CELF1: variants seen among roughly 807,000 people sequenced by gnomAD.
CELF1 encodes CUGBP Elav-like family member 1, also known as 50 kDa nuclear polyadenylated RNA-binding protein.
Under a neutral mutation model 61.8 loss-of-function variants are expected in CELF1, and 10 were observed. That is an observed-to-expected ratio of 0.16 (90% CI 0.10 to 0.27). The LOEUF is 0.27. CELF1 is among the 10% of genes least tolerant of loss of function. CELF1 has a pLI of 1.00. For synonymous variants in CELF1, 236 were observed against 225.1 expected, an observed-to-expected ratio of 1.05 and a Z score of -0.43; for missense variants, 380 against 639.1, an observed-to-expected ratio of 0.59 and a Z score of 4.37.
At chr11:47,512,452 ATTTTTTT>A (rs35542082) in intron 1 of CELF1, among the ~76,000 whole-genome samples, 1 of 112,778 alleles carries the variant, frequency 8.9e-6, no homozygotes, top group South Asian at 3.1e-4. Context: ...CGTGCCCAGA[ATTTTTTT>A]TTTTTTTTTT....
At chr11:47,541,791 AAC>A (rs1172326467) in intron 1 of CELF1, among the ~76,000 whole-genome samples, 1 of 28,362 alleles carries the variant, frequency 3.5e-5, no homozygotes, top group Non-Finnish European at 1.0e-4. Context: ...CGAAAGAAAG[AAC>A]GAAAGAAAGA....
At chr11:47,522,149 G>T (rs552965369) in intron 1 of CELF1, among the ~76,000 whole-genome samples, 1 of 151,966 alleles carries the variant, frequency 6.6e-6, no homozygotes, top group Admixed American at 6.5e-5. Flanking sequence ...CCGACCTCAG[G>T]TGATCTGCCT....
At chr11:47,507,043 A>G (rs796719485) in intron 1 of CELF1, 1 of 152,224 alleles carries the variant, frequency 6.6e-6, no homozygotes, top group South Asian at 2.1e-4. Flanking sequence ...CGCCCTTTTT[A>G]CTCAATGCCT....
intron 13 of CELF1, among the ~76,000 whole-genome samples, chr11:47,473,907 TTTTC>T (rs773990653): frequency 3.5e-4 from 32 of 90,964 alleles, no homozygotes; most frequent in Non-Finnish European, 4.4e-4. Flanking sequence ...TTTTCTTTTT[TTTTC>T]TTTCTTTTTT....
intron 1 of CELF1, among the ~76,000 whole-genome samples, chr11:47,509,489 G>A (rs2153594321): frequency 6.6e-6 from 1 of 152,292 alleles, no homozygotes; most frequent in African/African-American, 2.4e-5. Flanking sequence ...GGAAGTTTGA[G>A]GCTGTAGTGA....
chr11:47,560,406 T>A (rs867548083), intron 2 of CELF1, among the ~76,000 whole-genome samples: 79 of 152,304 alleles, frequency 5.2e-4, no homozygotes, highest in African/African-American at 1.8e-3. Flanking sequence ...AGAGTGAGAC[T>A]GTCTCAAAAA....
In CELF1 at chr11:47,500,842, A is replaced by T. The variant is rs1327454012; in HGVS notation, c.-82+19T>A. The T allele has an allele frequency of 2.3e-5, 9 of 398,432 alleles. No individual in the cohort carries two copies. The East Asian group carries it at 3.2e-4, about 14-fold the overall frequency. 24.7% of individuals were successfully genotyped at this position (398,432 alleles called of 1,614,324 possible). A position where few individuals can be genotyped will look rare whatever the true frequency, so the allele number is the denominator to read the frequency against. ...TTTCACAGGCTTTCTTTCCATTTTT[A>T]TCATTAGAGTTGCCTTACCTCAAAG... On this transcript the variant is annotated intron_variant, in intron 2 of 14. Transcript: ENST00000687097.
chr11:47,559,313 C>T (rs1014924578), intron 2 of CELF1, among the ~76,000 whole-genome samples: 3 of 151,262 alleles, frequency 2.0e-5, no homozygotes, highest in African/African-American at 7.3e-5. Context: ...GATCTGCCCG[C>T]CTCAGGCTTC....
intron 4 of CELF1, 31 bp downstream of exon 4, chr11:47,488,806 A>T (rs1266276394): frequency 1.4e-6 from 2 of 1,405,956 alleles, no homozygotes; most frequent in African/African-American, 3.0e-5. Context: ...CAGTGGAAAA[A>T]ATAAGATAAA....
intron 3 of CELF1, among the ~76,000 whole-genome samples, chr11:47,497,543 G>T (rs910391490): frequency 1.3e-5 from 2 of 152,172 alleles, no homozygotes; most frequent in Admixed American, 1.3e-4. Context: ...GTTTAAAATC[G>T]GGGCAATGGC....
At chr11:47,482,019 A>G (rs768854681) in intron 9 of CELF1, among the ~76,000 whole-genome samples, 9 of 152,106 alleles carry the variant, frequency 5.9e-5, no homozygotes, top group Admixed American at 2.0e-4. Flanking sequence ...CCTGGCCAAC[A>G]CAGTGAAAGC....
intron 6 of CELF1, among the ~76,000 whole-genome samples, chr11:47,484,918 T>C (rs2085713473): frequency 6.6e-6 from 1 of 151,970 alleles, no homozygotes; most frequent in Non-Finnish European, 1.5e-5. Flanking sequence ...CCTCAGGTGA[T>C]CCACCCGCCT....
At chr11:47,482,552 G>T (rs1729138096) in intron 9 of CELF1, 143 bp downstream of exon 9, 1 of 684,534 alleles carries the variant, frequency 1.5e-6, no homozygotes, top group Non-Finnish European at 2.4e-6. Flanking sequence ...AGGACTAAAA[G>T]AAATAGTACT....
chr11:47,513,252 C>T (rs980548756), intron 1 of CELF1, among the ~76,000 whole-genome samples: 1 of 152,184 alleles, frequency 6.6e-6, no homozygotes, highest in Non-Finnish European at 1.5e-5. Flanking sequence ...TCAACTTTCT[C>T]ATTTATATTC....
rs950115399 is a variant in CELF1, at chr11:47,553,031, C to T, written c.-193G>A. On this transcript the variant is annotated 5_prime_UTR_variant, in exon 1 of 15. Transcript: ENST00000687097. ...GAGCCTGCCGCTGCCTCAGTTGCTGCCTGCGCCTCCGCAGCCGCCGCCGCC... is the reference window on the plus strand; with the variant it reads ...GAGCCTGCCGCTGCCTCAGTTGCTGTCTGCGCCTCCGCAGCCGCCGCCGCC... 2.6e-4 allele frequency: 104 copies of T among 400,030 alleles called. No homozygotes were observed. Among genetic ancestry groups the T allele is most frequent in the Non-Finnish European group, 5.7e-5 (13 of 227,306 alleles). The allele number at this position is 400,030 out of a possible 1,614,324, so 24.8% of individuals were successfully genotyped here. A position where few individuals can be genotyped will look rare whatever the true frequency, so the allele number is the denominator to read the frequency against.
chr11:47,530,241 A>AC (rs2096419720), intron 1 of CELF1, among the ~76,000 whole-genome samples: 1 of 152,216 alleles, frequency 6.6e-6, no homozygotes, highest in Non-Finnish European at 1.5e-5. Flanking sequence ...ATGATATAAT[A>AC]GAGTCAACTA....
chr11:47,520,964 C>CCTCTAGT (rs1319257601), intron 1 of CELF1, among the ~76,000 whole-genome samples: 1 of 151,906 alleles, frequency 6.6e-6, no homozygotes, highest in Admixed American at 6.6e-5. Context: ...AATAAATGAA[C>CCTCTAGT]TAGAGGGCCG....
chr11:47,493,108 G>C (rs567947933), intron 3 of CELF1, among the ~76,000 whole-genome samples: 1 of 152,196 alleles, frequency 6.6e-6, no homozygotes, highest in Middle Eastern at 3.4e-3. Flanking sequence ...CAAGATTCTA[G>C]AGAAATGTCA....
At position 47,467,783 on chromosome 11, in the gene CELF1, C is replaced by T. The variant is rs1040792997; in HGVS notation, c.*4447G>A. On this transcript the variant is annotated 3_prime_UTR_variant, in exon 15 of 15. Coordinates refer to ENST00000687097, the MANE Select transcript of CELF1 (RefSeq NM_001376376.1). ...GCCCCGGTAAGACCTGGAGGCCACA[C>T]GAAGTGACAGTCTAAGTGCACAGGC... 1.3e-5 allele frequency: 2 copies of T among 152,144 alleles called. No homozygotes were observed. The highest frequency in any genetic ancestry group is 6.5e-5 in the Admixed American group (1 of 15,278). The allele number at this position is 152,144 out of a possible 1,614,324, so 9.4% of individuals were successfully genotyped here. A position where few individuals can be genotyped will look rare whatever the true frequency, so the allele number is the denominator to read the frequency against.
Sources: allele counts gnomAD v4.1 joint callset (sites outside exome capture counted in the v4.1 genomes callset), GRCh38; gene constraint gnomAD v4.1.1; transcripts MANE v1.5; gene names NCBI Gene and HGNC (gene_info 2026-07-23, HGNC 2026-07-21).